Variants in NMT1 observed in about 807,000 individuals in gnomAD.
The protein encoded by NMT1 is N-myristoyltransferase 1.
NMT1 carries 12 observed loss-of-function variants against 63.4 expected under a neutral mutation model. The ratio of observed to expected loss-of-function variants is 0.19; its 90% CI spans 0.12 to 0.31. The LOEUF is 0.31. Among genes scored for constraint, NMT1 ranks in the 10% least tolerant of loss-of-function variants. The probability of loss-of-function intolerance (pLI) is 1.00; values close to 1 mark genes in which losing one functional copy is unlikely to be tolerated. For missense variants in NMT1, 432 were observed against 634.6 expected, an observed-to-expected ratio of 0.68 and a Z score of 3.43; for synonymous variants, 228 against 234.3, an observed-to-expected ratio of 0.97 and a Z score of 0.25.
intron 3 of NMT1, 98 bp downstream of exon 3, chr17:45,086,750 C>T: frequency 3.9e-6 from 5 of 1,298,292 alleles, no homozygotes; most frequent in Non-Finnish European, 5.3e-6. Flanking sequence ...GTAGGGAGGG[C>T]AGTAGAGTCC....
At chr17:45,070,504 G>A (rs562938618) in intron 1 of NMT1, among the ~76,000 whole-genome samples, 69 of 152,274 alleles carry the variant, frequency 4.5e-4, no homozygotes, top group African/African-American at 1.2e-3. Flanking sequence ...TGCAAGCTGC[G>A]TCTCCCGGGC....
intron 3 of NMT1, 107 bp from the exon 4 acceptor site, chr17:45,093,578 A>G (rs1013781855): frequency 1.2e-5 from 9 of 782,434 alleles, no homozygotes; most frequent in Non-Finnish European, 1.9e-5. Context: ...CTTCAGATAG[A>G]GGGCTCCTAG....
At chr17:45,073,730 G>A (rs2053957886) in intron 1 of NMT1, among the ~76,000 whole-genome samples, 1 of 152,144 alleles carries the variant, frequency 6.6e-6, no homozygotes. Flanking sequence ...TAGCCTTTGG[G>A]GGGAAATGGC....
intron 1 of NMT1, among the ~76,000 whole-genome samples, chr17:45,080,495 G>A (rs1434581736): frequency 6.7e-5 from 7 of 104,468 alleles, no homozygotes; most frequent in African/African-American, 2.7e-4. Flanking sequence ...TTGAGACAGA[G>A]TCTCGCTTTG....
Position 45,086,624 on chromosome 17 carries a change from C to T in NMT1, c.357C>T (p.Phe119=), listed in dbSNP as rs1253657974. 1 of 1,613,056 alleles carries T rather than the reference C, an allele frequency of 6.2e-7. No homozygotes were observed. Among genetic ancestry groups the T allele is most frequent in the South Asian group, 1.1e-5 (1 of 90,956 alleles). Residue 119 remains phenylalanine (F), a synonymous_variant, in exon 3 of 12, where the codon TTC becomes TTT. Coordinates refer to ENST00000258960, the MANE Select transcript of NMT1 (RefSeq NM_021079.5). ...AGGCTAGCAAGCGAAGCTACCAGTT[C>T]TGGGATACGCAGCCCGTCCCCAAGC... The part of the protein sequence containing the change: ...MEEASKRSYQ[F]WDTQPVPKLG...
rs757737709 is a variant in NMT1 at position 45,103,687 on chromosome 17, C to G, written c.1165-22C>G. The G allele has an allele frequency of 5.0e-6, 8 of 1,600,336 alleles. No homozygotes were observed. Among genetic ancestry groups the G allele is most frequent in the Non-Finnish European group, 6.0e-6 (7 of 1,172,770 alleles). Reference sequence around the variant, plus strand: ...TGCCACTGTGCATGCTTGACATTGCCTCTTTATTGCCTTCCCTTCAGAACG... The same window carrying G: ...TGCCACTGTGCATGCTTGACATTGCGTCTTTATTGCCTTCCCTTCAGAACG... On this transcript the variant is annotated intron_variant, in intron 9 of 11. Transcript: ENST00000258960. The surrounding 1 kb of genome is among the most constrained non-coding windows in gnomAD (Gnocchi z 4.8).
chr17:45,065,481 A>G (rs1233520420), intron 1 of NMT1, among the ~76,000 whole-genome samples: 3 of 151,876 alleles, frequency 2.0e-5, no homozygotes, highest in Non-Finnish European at 4.4e-5. Context: ...AAAATTAGCC[A>G]GGTGTGGTGG....
Position 45,103,097 on chromosome 17 carries a change from T to G in NMT1, c.1140T>G (p.Asn380Lys). ...EVEHWFYPQE[N>K]IIDTFVVENA... ...AGCACTGGTTCTACCCCCAGGAGAA[T>G]ATCATCGACACTTTCGTGGTGGAGG... Residue 380 changes from asparagine (N) to lysine (K), a missense_variant, in exon 9 of 12, where the codon AAT becomes AAG. Physicochemically the swap from Asn to Lys is moderately conservative, Grantham distance 94. This residue lies in a region of NMT1 where 295 missense variants were observed against 489.7 expected (regional missense o/e 0.60). Transcript: ENST00000258960. This position sits in a 1 kb window ranked among gnomAD's most constrained non-coding sequence, Gnocchi z 4.8. 6.2e-7 allele frequency: 1 copy of G among 1,611,216 alleles called. No homozygotes were observed. The highest frequency in any genetic ancestry group is 8.5e-7 in the Non-Finnish European group (1 of 1,177,616).
chr17:45,089,151 CTAG>C (rs1248835957), intron 3 of NMT1, among the ~76,000 whole-genome samples: 1 of 152,224 alleles, frequency 6.6e-6, no homozygotes, highest in Non-Finnish European at 1.5e-5. Flanking sequence ...AGGCGTCACC[CTAG>C]TTCTGAGTTT....
chr17:45,093,626 A>AGCCCTTTACT, intron 3 of NMT1, 59 bp from the exon 4 acceptor site: 1 of 1,413,770 alleles, frequency 7.1e-7, no homozygotes, highest in South Asian at 1.2e-5. Context: ...TTTTGAACTG[A>AGCCCTTTACT]GCCCTTTACT....
At chr17:45,099,364 T>C (rs2054146576) in intron 7 of NMT1, 41 bp from the exon 8 acceptor site, 3 of 1,397,046 alleles carry the variant, frequency 2.1e-6, no homozygotes, top group Non-Finnish European at 3.1e-6. Context: ...GTAATAGGGA[T>C]TGGCCAGAAC....
At chr17:45,074,470 C>T (rs1309041069) in intron 1 of NMT1, among the ~76,000 whole-genome samples, 4 of 152,110 alleles carry the variant, frequency 2.6e-5, no homozygotes, top group Non-Finnish European at 4.4e-5. Flanking sequence ...CTGCCCACCT[C>T]GGCCTCCCAA....
At chr17:45,070,838 C>G (rs1203458211) in intron 1 of NMT1, among the ~76,000 whole-genome samples, 1 of 152,116 alleles carries the variant, frequency 6.6e-6, no homozygotes, top group Non-Finnish European at 1.5e-5. Context: ...AGGCATGAGC[C>G]ACTGTGCCCA....
chr17:45,062,375 A>G (rs182896812), intron 1 of NMT1, among the ~76,000 whole-genome samples: 4 of 152,244 alleles, frequency 2.6e-5, no homozygotes, highest in Admixed American at 6.5e-5. Flanking sequence ...CTTCCTGTCT[A>G]TATTTGTAGA....
intron 1 of NMT1, among the ~76,000 whole-genome samples, chr17:45,070,879 G>A (rs956839142): frequency 2.6e-5 from 4 of 152,164 alleles, no homozygotes; most frequent in Non-Finnish European, 5.9e-5. Context: ...CAGTACTAAA[G>A]TGTTTTTATT....
At position 45,063,063 on chromosome 17, in the gene NMT1, G is replaced by A. The variant is rs533617040; in HGVS notation, c.131+1603G>A. Among the ~76,000 whole-genome samples the A allele has an allele frequency of 2.0e-5, 3 of 152,032 alleles. No homozygotes were observed. In the South Asian group the frequency reaches 6.2e-4, roughly 32 times the overall value. On this transcript the variant is annotated intron_variant, in intron 1 of 11. Coordinates refer to ENST00000258960, the MANE Select transcript of NMT1 (RefSeq NM_021079.5). The stretch of plus-strand genomic sequence containing the variant: ...ACTAAAAATACAAAAAATTTAGCCG[G>A]GCGTGGTGGCGGGCGCCTGTAGTCC...
At chr17:45,093,615 G>C in intron 3 of NMT1, 70 bp from the exon 4 acceptor site, 1 of 1,330,998 alleles carries the variant, frequency 7.5e-7, no homozygotes, top group Non-Finnish European at 1.1e-6. Context: ...CTCTGGTTGA[G>C]TTTTGAACTG....
chr17:45,064,676 A>G (rs2053890344), intron 1 of NMT1, among the ~76,000 whole-genome samples: 2 of 152,192 alleles, frequency 1.3e-5, no homozygotes, highest in South Asian at 4.1e-4. Flanking sequence ...TACAAAAATT[A>G]GCTGGGCATG....
intron 6 of NMT1, among the ~76,000 whole-genome samples, chr17:45,097,695 A>C (rs2054135050): frequency 6.6e-6 from 1 of 152,092 alleles, no homozygotes; most frequent in South Asian, 2.1e-4. Context: ...CCCGGGCTGG[A>C]GTGCAGTGGT....
Sources: allele counts gnomAD v4.1 joint callset (sites outside exome capture counted in the v4.1 genomes callset), GRCh38; gene constraint gnomAD v4.1.1; regional missense constraint gnomAD v4.1.1; non-coding constraint Gnocchi (gnomAD v3.1); transcripts MANE v1.5; gene names NCBI Gene and HGNC (gene_info 2026-07-23, HGNC 2026-07-21).